Variants in PTPRD observed in about 807,000 individuals in gnomAD.
PTPRD encodes the protein protein tyrosine phosphatase receptor type D.
In PTPRD, 34 loss-of-function variants were observed where a neutral mutation model predicts 214.5. That is an observed-to-expected ratio of 0.16 (90% CI 0.12 to 0.21). The LOEUF is 0.21. Ranked by LOEUF, PTPRD falls within the 10% of genes least tolerant of loss-of-function variation. PTPRD has a pLI of 1.00. For missense variants in PTPRD, 2,545 were observed against 2,398.7 expected, an observed-to-expected ratio of 1.06 and a Z score of -1.27; for synonymous variants, 1,128 against 845.7, an observed-to-expected ratio of 1.33 and a Z score of -5.79.
intron 14 of PTPRD, among the ~76,000 whole-genome samples, chr9:8,547,911 C>G (rs1045879907): frequency 6.6e-5 from 10 of 152,134 alleles, no homozygotes; most frequent in African/African-American, 2.4e-4. Flanking sequence ...TTATTGAACA[C>G]CTCTCAGACT....
chr9:10,557,409 T>G (rs369166427), intron 2 of PTPRD, among the ~76,000 whole-genome samples: 1 of 152,162 alleles, frequency 6.6e-6, no homozygotes, highest in South Asian at 2.1e-4. Flanking sequence ...TCCCTCTCCC[T>G]AACCTTTCTC....
chr9:8,345,100 C>G (rs935905457), intron 39 of PTPRD, among the ~76,000 whole-genome samples: 13 of 152,022 alleles, frequency 8.6e-5, no homozygotes, highest in Non-Finnish European at 8.8e-5. Context: ...CTCTTCCTTT[C>G]CTCTGCCTTC....
intron 3 of PTPRD, among the ~76,000 whole-genome samples, chr9:10,103,174 A>G (rs2098579677): frequency 1.3e-5 from 2 of 151,558 alleles, no homozygotes; most frequent in South Asian, 4.2e-4. Flanking sequence ...TGGTTTTCAA[A>G]CAATTTTTAC....
chr9:8,919,288 G>A (rs1047394502), intron 11 of PTPRD, among the ~76,000 whole-genome samples: 1 of 151,736 alleles, frequency 6.6e-6, no homozygotes, highest in Non-Finnish European at 1.5e-5. Flanking sequence ...AGTGACTAGG[G>A]AGGCTGAGGC....
intron 11 of PTPRD, among the ~76,000 whole-genome samples, chr9:8,849,950 C>G (rs905416765): frequency 6.6e-6 from 1 of 151,794 alleles, no homozygotes. Context: ...GTGCAGAACA[C>G]ATAGGAAAGG....
At chr9:9,168,059 G>A (rs939872513) in intron 10 of PTPRD, among the ~76,000 whole-genome samples, 3 of 151,958 alleles carry the variant, frequency 2.0e-5, no homozygotes, top group Non-Finnish European at 2.9e-5. Flanking sequence ...GCAAACTACC[G>A]CCCATGGGCT....
At chr9:8,545,543 C>T (rs1437334353) in intron 14 of PTPRD, among the ~76,000 whole-genome samples, 1 of 152,206 alleles carries the variant, frequency 6.6e-6, no homozygotes, top group African/African-American at 2.4e-5. Context: ...TCAACTATCA[C>T]TGATTTCATC....
At position 8,685,481 on chromosome 9, in the gene PTPRD, C is replaced by CATGTA. The variant is rs201737421; in HGVS notation, c.64+48294_64+48298dup. Among the ~76,000 whole-genome samples, 1,326 of 152,272 alleles carry CATGTA rather than the reference C, an allele frequency of 8.7e-3. 21 individuals are homozygous for CATGTA. Among genetic ancestry groups the CATGTA allele is most frequent in the African/African-American group, 0.029 (1,225 of 41,554 alleles). On this transcript the variant is annotated intron_variant, in intron 12 of 45. Transcript: ENST00000381196. ...GAAGAACTCCTGTGGGCAAACGCTG[C>CATGTA]ATGTAAAACAGACTGGGTGTGATGT...
At chr9:8,964,146 T>C (rs2099173900) in intron 11 of PTPRD, among the ~76,000 whole-genome samples, 2 of 150,134 alleles carry the variant, frequency 1.3e-5, no homozygotes, top group African/African-American at 4.9e-5. Context: ...CTCTTCTTTG[T>C]ACATCTGGTG....
chr9:9,487,088 T>C (rs918331162), intron 8 of PTPRD, among the ~76,000 whole-genome samples: 6 of 152,166 alleles, frequency 3.9e-5, no homozygotes, highest in African/African-American at 1.4e-4. Context: ...ACTTTAAGTT[T>C]TAGGGTACAT....
intron 21 of PTPRD, among the ~76,000 whole-genome samples, chr9:8,516,674 T>G (rs2097785823): frequency 6.6e-6 from 1 of 152,132 alleles, no homozygotes; most frequent in African/African-American, 2.4e-5. Flanking sequence ...ATAATATGAT[T>G]ATTATGTAGA....
intron 11 of PTPRD, among the ~76,000 whole-genome samples, chr9:8,790,690 G>A (rs1407738001): frequency 6.6e-6 from 1 of 151,780 alleles, no homozygotes; most frequent in Admixed American, 6.6e-5. Context: ...ATTTTTTAGT[G>A]TGGATTGAGG....
chr9:10,277,412 C>T (rs1372687845), intron 3 of PTPRD, among the ~76,000 whole-genome samples: 2 of 152,182 alleles, frequency 1.3e-5, no homozygotes, highest in Non-Finnish European at 2.9e-5. Flanking sequence ...CCAGGGCCAG[C>T]CCTGACTCTC....
At chr9:8,333,547 G>A (rs1243140919) in intron 43 of PTPRD, among the ~76,000 whole-genome samples, 1 of 152,116 alleles carries the variant, frequency 6.6e-6, no homozygotes, top group African/African-American at 2.4e-5. Context: ...AAGAGCTCCT[G>A]AAGGAAGCAC....
chr9:9,058,602 A>G (rs1291682208), intron 10 of PTPRD, among the ~76,000 whole-genome samples: 2 of 150,080 alleles, frequency 1.3e-5, no homozygotes, highest in African/African-American at 4.9e-5. Flanking sequence ...GGCTCCCGCC[A>G]CCTCGCCCGG....
At chr9:10,342,160 T>G (rs1220213539) in intron 2 of PTPRD, among the ~76,000 whole-genome samples, 2 of 152,046 alleles carry the variant, frequency 1.3e-5, no homozygotes, top group African/African-American at 2.4e-5. Flanking sequence ...GACTTCACTT[T>G]CATTTCACTG....
intron 8 of PTPRD, among the ~76,000 whole-genome samples, chr9:9,528,287 A>C (rs2074622534): frequency 6.6e-6 from 1 of 152,180 alleles, no homozygotes; most frequent in African/African-American, 2.4e-5. Flanking sequence ...GCAAGTAAAA[A>C]TATTCCTGGA....
intron 11 of PTPRD, among the ~76,000 whole-genome samples, chr9:8,785,636 C>T (rs1474622841): frequency 4.6e-5 from 7 of 152,092 alleles, no homozygotes; most frequent in Non-Finnish European, 7.4e-5. Flanking sequence ...TACTGCCAGT[C>T]GGCTTAACAA....
intron 2 of PTPRD, among the ~76,000 whole-genome samples, chr9:10,445,048 G>A (rs1776374048): frequency 6.6e-6 from 1 of 151,916 alleles, no homozygotes; most frequent in Non-Finnish European, 1.5e-5. Context: ...TTAGGAAAAA[G>A]CAAAGGTATA....
Sources: allele counts gnomAD v4.1 joint callset (sites outside exome capture counted in the v4.1 genomes callset), GRCh38; gene constraint gnomAD v4.1.1; transcripts MANE v1.5; gene names NCBI Gene and HGNC (gene_info 2026-07-23, HGNC 2026-07-21).